GNRHR: variants seen among roughly 807,000 people sequenced by gnomAD.
The protein encoded by GNRHR is gonadotropin releasing hormone receptor.
GNRHR carries 14 observed loss-of-function variants against 28.1 expected under a neutral mutation model. The ratio of observed to expected loss-of-function variants is 0.50; its 90% confidence interval spans 0.33 to 0.78. The LOEUF is 0.78. Ranked by LOEUF, GNRHR falls within the 30% of genes least tolerant of loss-of-function variation. The probability of loss-of-function intolerance (pLI) is 0.02; values close to 1 mark genes in which losing one functional copy is unlikely to be tolerated. For synonymous variants in GNRHR, 141 were observed against 140.5 expected (o/e 1.00, Z -0.02); for missense variants, 366 against 382.1 (o/e 0.96, Z 0.35).
intron 1 of GNRHR, among the ~76,000 whole-genome samples, chr4:67,752,440 C>T (rs1203821881): frequency 6.6e-6 from 1 of 151,714 alleles, no homozygotes; most frequent in African/African-American, 2.4e-5. Context: ...CCAGTCTGGT[C>T]TCGAACTCCT....
intron 1 of GNRHR, among the ~76,000 whole-genome samples, chr4:67,751,213 C>T (rs1451904649): frequency 6.6e-6 from 1 of 152,154 alleles, no homozygotes; most frequent in East Asian, 1.9e-4. Flanking sequence ...GACAGAGACA[C>T]AAACAAGGTT....
At chr4:67,745,721 G>C (rs763681228) in intron 1 of GNRHR, among the ~76,000 whole-genome samples, 4 of 152,062 alleles carry the variant, frequency 2.6e-5, no homozygotes, top group Non-Finnish European at 5.9e-5. Flanking sequence ...GAAATAGCTA[G>C]ATAAGTATGT....
rs898987788 is a variant in GNRHR, at chr4:67,738,052, T to A, written c.*2428A>T. On this transcript the variant is annotated 3_prime_UTR_variant, in exon 3 of 3. Coordinates refer to ENST00000226413, the MANE Select transcript of GNRHR (RefSeq NM_000406.3). Reference sequence around the variant, plus strand: ...ACATTATAATTTATGAACCATAATATTCATATAGAATAATTATTTGTGTTA... The same window carrying A: ...ACATTATAATTTATGAACCATAATAATCATATAGAATAATTATTTGTGTTA... Among the ~76,000 whole-genome samples the A allele has an allele frequency of 6.6e-6, 1 of 151,714 alleles. No homozygotes were observed. The highest frequency in any genetic ancestry group is 1.5e-5 in the Non-Finnish European group (1 of 67,782).
Position 67,744,761 on chromosome 4 carries a change from T to A in GNRHR, c.549A>T (p.Leu183=). The A allele has an allele frequency of 6.3e-7, 1 of 1,590,462 alleles. No homozygotes were observed. Among genetic ancestry groups the A allele is most frequent in the Non-Finnish European group, 8.6e-7 (1 of 1,158,362 alleles). The part of the protein sequence containing the change: ...PQLYIFRMIH[L]ADSSGQTKVF... Reference sequence around the variant, plus strand: ...CTTTTGTCTGTCCAGAGCTGTCTGCTAGATGAATCATCCTGAAGATGTATA... The same window carrying A: ...CTTTTGTCTGTCCAGAGCTGTCTGCAAGATGAATCATCCTGAAGATGTATA... Residue 183 remains leucine (L), a synonymous_variant, in exon 2 of 3, where the codon CTA becomes CTT. Coordinates refer to ENST00000226413, the MANE Select transcript of GNRHR (RefSeq NM_000406.3).
Position 67,754,047 on chromosome 4 carries a change from G to A in GNRHR, c.289C>T (p.Leu97=). 2 of 1,613,818 alleles carry A rather than the reference G, an allele frequency of 1.2e-6. No individual in the cohort carries two copies. Among genetic ancestry groups the A allele is most frequent in the South Asian group, 1.1e-5 (1 of 91,070 alleles). ...NLLETLIVMP[L]DGMWNITVQW... ...ACTGTAATGTTCCACATCCCATCCA[G>A]TGGCATGACAATCAGAGTCTCCAAC... The change falls in exon 1 of 3, where the codon CTG becomes TTG. Residue 97 remains leucine (L), a synonymous_variant. Coordinates refer to ENST00000226413, the MANE Select transcript of GNRHR (RefSeq NM_000406.3).
rs113670246 is a variant in GNRHR at position 67,751,623 on chromosome 4, T to G, written c.522+2191A>C. On this transcript the variant is annotated intron_variant, in intron 1 of 2. Transcript: ENST00000226413. ...AATATTTGGCATTATCTTTCTATTA[T>G]TGCTGTTAATACTTAGATGAAAATA... is the stretch of plus-strand genomic sequence containing the variant. The G allele has an allele frequency of 3.3e-5, 5 of 152,346 alleles. 2 individuals are homozygous for G. Among genetic ancestry groups the G allele is most frequent in the African/African-American group, 1.2e-4 (5 of 41,582 alleles). 9.4% of individuals were successfully genotyped at this position (152,346 alleles called of 1,614,324 possible).
chr4:67,743,454 A>G (rs936142291), intron 2 of GNRHR, among the ~76,000 whole-genome samples: 8 of 152,216 alleles, frequency 5.3e-5, no homozygotes, highest in Non-Finnish European at 2.9e-5. Flanking sequence ...GCTAGACTGT[A>G]GTCTCCATGA....
Position 67,740,831 on chromosome 4 carries a change from A to T in GNRHR, c.743-107T>A, listed in dbSNP as rs1731646020. ...CTAATTCAACTTAATCAATGGGAGA[A>T]AATTTCCATTATTTTAAATAATAAT... On this transcript the variant is annotated intron_variant, in intron 2 of 2. Transcript: ENST00000226413. 1.8e-5 allele frequency: 14 copies of T among 777,080 alleles called. No homozygotes were observed. In the South Asian group the frequency reaches 1.9e-4, roughly 11 times the overall value. The allele number at this position is 777,080 out of a possible 1,614,324, so 48.1% of individuals were successfully genotyped here. A position where few individuals can be genotyped will look rare whatever the true frequency, so the allele number is the denominator to read the frequency against.
chr4:67,753,218 A>C, intron 1 of GNRHR, among the ~76,000 whole-genome samples: 1 of 152,330 alleles, frequency 6.6e-6, no homozygotes. Flanking sequence ...ATTTCCAAAC[A>C]TCCAAGATGT....
Position 67,738,303 on chromosome 4 carries a change from C to T in GNRHR, c.*2177G>A, listed in dbSNP as rs911887672. 2.0e-5 allele frequency among the ~76,000 whole-genome samples: 3 copies of T among 151,660 alleles called. No homozygotes were observed. The highest frequency in any genetic ancestry group is 7.2e-5 in the African/African-American group (3 of 41,462). On this transcript the variant is annotated 3_prime_UTR_variant, in exon 3 of 3. Transcript: ENST00000226413. The stretch of plus-strand genomic sequence containing the variant: ...GAGCTGCTGTGGCAGTCTGGTCCAT[C>T]CCTCTCAGGACTGTGTTTTTAAATG...
At chr4:67,741,656 C>A (rs1322814043) in intron 2 of GNRHR, among the ~76,000 whole-genome samples, 5 of 152,192 alleles carry the variant, frequency 3.3e-5, no homozygotes, top group African/African-American at 1.2e-4. Flanking sequence ...TACTAGTTAA[C>A]ATTCCCACCA....
intron 2 of GNRHR, among the ~76,000 whole-genome samples, chr4:67,742,972 T>C (rs1731686560): frequency 6.7e-6 from 1 of 150,130 alleles, no homozygotes; most frequent in Non-Finnish European, 1.5e-5. Flanking sequence ...TTTTTTTTTT[T>C]CCTGAGTTTC....
rs757669342 is a variant in GNRHR at position 67,749,419 on chromosome 4, T to C, written c.522+4395A>G. Among the ~76,000 whole-genome samples the C allele has an allele frequency of 8.7e-4, 133 of 152,294 alleles. 1 individual carries two copies. The highest frequency in any genetic ancestry group is 2.9e-3 in the African/African-American group (122 of 41,572). On this transcript the variant is annotated intron_variant, in intron 1 of 2. Transcript: ENST00000226413. Reference sequence around the variant, plus strand: ...ACACAGATAAGCTATGAACTCTTTCTGCAAATAACCTGCTACTCTGGAATT... The same window carrying C: ...ACACAGATAAGCTATGAACTCTTTCCGCAAATAACCTGCTACTCTGGAATT...
intron 1 of GNRHR, among the ~76,000 whole-genome samples, chr4:67,753,408 A>G (rs1373159617): frequency 6.6e-6 from 1 of 152,238 alleles, no homozygotes; most frequent in African/African-American, 2.4e-5. Context: ...CCTAAAAATT[A>G]TCTCAACTAA....
chr4:67,743,088 G>A (rs1057231479), intron 2 of GNRHR, among the ~76,000 whole-genome samples: 12 of 152,052 alleles, frequency 7.9e-5, no homozygotes, highest in African/African-American at 2.9e-4. Flanking sequence ...GAGTAGCTGG[G>A]ACTACAGGCA....
At chr4:67,751,241 TCTTA>T (rs1731861083) in intron 1 of GNRHR, among the ~76,000 whole-genome samples, 1 of 152,226 alleles carries the variant, frequency 6.6e-6, no homozygotes, top group Admixed American at 6.5e-5. Context: ...AGTGTGTATT[TCTTA>T]CTTTGGATTA....
In GNRHR at chr4:67,740,260, A is replaced by G. The variant is rs1731632440; in HGVS notation, c.*220T>C. The G allele has an allele frequency of 4.0e-6, 2 of 503,068 alleles. No individual in the cohort carries two copies. Among genetic ancestry groups the G allele is most frequent in the Non-Finnish European group, 3.6e-6 (1 of 279,772 alleles). 31.2% of individuals were successfully genotyped at this position (503,068 alleles called of 1,614,324 possible). A position where few individuals can be genotyped will look rare whatever the true frequency, so the allele number is the denominator to read the frequency against. The stretch of plus-strand genomic sequence containing the variant: ...GGTCAGAAAAGGCAGAGATTAATTT[A>G]GAAGCTTATGAGGAAGAGAAAATAT... On this transcript the variant is annotated 3_prime_UTR_variant, in exon 3 of 3. Transcript: ENST00000226413.
intron 1 of GNRHR, among the ~76,000 whole-genome samples, chr4:67,753,459 TAAAAG>T (rs913436332): frequency 2.6e-5 from 4 of 152,138 alleles, no homozygotes; most frequent in African/African-American, 9.7e-5. Flanking sequence ...GAAAAACAGA[TAAAAG>T]AATAGGATGG....
chr4:67,752,353 A>G (rs977927981), intron 1 of GNRHR, among the ~76,000 whole-genome samples: 1 of 151,626 alleles, frequency 6.6e-6, no homozygotes, highest in Non-Finnish European at 1.5e-5. Flanking sequence ...CTGGGACCAC[A>G]GGTGCGGGTC....
Sources: gnomAD v4.1 joint callset for allele counts (sites outside exome capture counted in the v4.1 genomes callset) on GRCh38, gnomAD v4.1.1 for gene constraint, MANE v1.5 for transcripts, NCBI Gene and HGNC (gene_info 2026-07-23, HGNC 2026-07-21) for gene names.